The following GALNT13 variants were observed in gnomAD, a reference collection of about 807,000 sequenced individuals.
The protein encoded by GALNT13 is UDP-GalNAc:polypeptide N-acetylgalactosaminyltransferase 13.
Under a neutral mutation model 64.2 loss-of-function variants are expected in GALNT13, and 28 were observed. The ratio of observed to expected loss-of-function variants is 0.44; its 90% CI spans 0.32 to 0.60. The LOEUF (loss-of-function observed/expected upper bound fraction) is 0.60, where lower values mean the gene tolerates loss of function less well. GALNT13 is among the 20% of genes least tolerant of loss of function. GALNT13 has a pLI of 0.05. For missense variants in GALNT13, 577 were observed against 669.8 expected, an observed-to-expected ratio of 0.86 and a Z score of 1.53; for synonymous variants, 214 against 224.6, an observed-to-expected ratio of 0.95 and a Z score of 0.42.
At chr2:154,361,021 T>C (rs896619426) in intron 9 of GALNT13, among the ~76,000 whole-genome samples, 4 of 152,106 alleles carry the variant, frequency 2.6e-5, no homozygotes, top group East Asian at 1.9e-4. Flanking sequence ...AGATGGGTTA[T>C]GTAAAACAAT....
At chr2:153,617,833 T>C in the GALNT13 span, among the ~76,000 whole-genome samples, 1 of 152,028 alleles carries the variant, frequency 6.6e-6, no homozygotes, top group East Asian at 1.9e-4. Flanking sequence ...TCTTCCAATT[T>C]ATTGGCATAT....
the GALNT13 span, among the ~76,000 whole-genome samples, chr2:153,633,887 A>G: frequency 3.3e-5 from 5 of 152,228 alleles, no homozygotes; most frequent in Non-Finnish European, 7.3e-5. Flanking sequence ...ATTATAACCA[A>G]TAAAGTCTGT....
the GALNT13 span, among the ~76,000 whole-genome samples, chr2:153,820,496 C>A: frequency 1.8e-3 from 279 of 152,214 alleles, 3 homozygotes; most frequent in Middle Eastern, 6.8e-3. Flanking sequence ...AGATCCCATA[C>A]AAAGGGAACA....
chr2:153,208,973 CTTTTTTTTTT>C, the GALNT13 span, among the ~76,000 whole-genome samples: 2 of 74,682 alleles, frequency 2.7e-5, no homozygotes, highest in Non-Finnish European at 4.7e-5. Flanking sequence ...TGGTTTTGGT[CTTTTTTTTTT>C]TTTTTTTTTT....
At chr2:153,784,142 G>C in the GALNT13 span, among the ~76,000 whole-genome samples, 2 of 152,194 alleles carry the variant, frequency 1.3e-5, no homozygotes, top group African/African-American at 4.8e-5. Context: ...GGGCTCAGAA[G>C]AAGATAGGAA....
At chr2:154,295,425 G>A (rs192644250) in intron 8 of GALNT13, among the ~76,000 whole-genome samples, 4 of 151,146 alleles carry the variant, frequency 2.6e-5, no homozygotes, top group East Asian at 1.9e-4. Flanking sequence ...GTGCAGTGGC[G>A]CGACCTTGGC....
At chr2:154,096,011 C>T (rs369749445) in intron 3 of GALNT13, among the ~76,000 whole-genome samples, 36 of 151,902 alleles carry the variant, frequency 2.4e-4, no homozygotes, top group African/African-American at 6.3e-4. Context: ...AAGTTTCTTT[C>T]GACTCTGAGA....
the GALNT13 span, among the ~76,000 whole-genome samples, chr2:153,576,284 GC>G: frequency 2.0e-5 from 3 of 152,012 alleles, no homozygotes; most frequent in African/African-American, 4.8e-5. Context: ...TAGGTCGAGT[GC>G]CCCCCATCCA....
the GALNT13 span, among the ~76,000 whole-genome samples, chr2:153,268,725 T>G: frequency 6.6e-6 from 1 of 152,262 alleles, no homozygotes; most frequent in African/African-American, 2.4e-5. Context: ...CCATACATCC[T>G]CTGAAATCTA....
chr2:154,179,976 A>T (rs974739251), intron 4 of GALNT13, among the ~76,000 whole-genome samples: 1 of 152,128 alleles, frequency 6.6e-6, no homozygotes, highest in African/African-American at 2.4e-5. Context: ...AGTGCATTTT[A>T]TTATGTGCTT....
the GALNT13 span, among the ~76,000 whole-genome samples, chr2:153,861,032 ACT>A: frequency 1.8e-4 from 28 of 152,114 alleles, no homozygotes; most frequent in Non-Finnish European, 2.8e-4. Flanking sequence ...GATCACCTGG[ACT>A]GCTATTCCTA....
chr2:154,433,648 G>A (rs207462569), intron 11 of GALNT13, among the ~76,000 whole-genome samples: 1 of 150,820 alleles, frequency 6.6e-6, no homozygotes, highest in Non-Finnish European at 1.5e-5. Flanking sequence ...GAAGAAGGGG[G>A]AATTATTTGA....
chr2:154,206,182 T>C (rs1687440679), intron 4 of GALNT13, among the ~76,000 whole-genome samples: 1 of 151,580 alleles, frequency 6.6e-6, no homozygotes, highest in South Asian at 2.1e-4. Context: ...ATTTTTTTTA[T>C]AGTAGAGACG....
At chr2:154,176,664 A>ATGAT (rs1217618756) in intron 4 of GALNT13, among the ~76,000 whole-genome samples, 1 of 152,168 alleles carries the variant, frequency 6.6e-6, no homozygotes, top group Non-Finnish European at 1.5e-5. Context: ...AATGGTATGA[A>ATGAT]TGATGTTACA....
At chr2:153,726,107 T>G in the GALNT13 span, among the ~76,000 whole-genome samples, 14 of 152,298 alleles carry the variant, frequency 9.2e-5, no homozygotes, top group Non-Finnish European at 1.9e-4. Context: ...TAATGTATAT[T>G]TGGAATGGCT....
intron 4 of GALNT13, among the ~76,000 whole-genome samples, chr2:154,224,149 G>A (rs1688465085): frequency 6.6e-6 from 1 of 152,014 alleles, no homozygotes; most frequent in Admixed American, 6.6e-5. Flanking sequence ...TAATTATGTG[G>A]TGATAAAAAG....
At chr2:153,445,154 G>A in the GALNT13 span, among the ~76,000 whole-genome samples, 62 of 152,124 alleles carry the variant, frequency 4.1e-4, no homozygotes, top group Non-Finnish European at 7.1e-4. Flanking sequence ...TAATCAAGCT[G>A]AATATCTTTT....
intron 4 of GALNT13, among the ~76,000 whole-genome samples, chr2:154,238,735 T>C (rs889779264): frequency 6.6e-6 from 1 of 151,998 alleles, no homozygotes; most frequent in Non-Finnish European, 1.5e-5. Flanking sequence ...AACTAAAAGT[T>C]ATATATACTT....
the GALNT13 span, among the ~76,000 whole-genome samples, chr2:153,596,548 T>C: frequency 6.6e-6 from 1 of 152,150 alleles, no homozygotes; most frequent in Non-Finnish European, 1.5e-5. Context: ...AGTGGAAAGA[T>C]ATTTTCCTTA....
Sources: allele counts gnomAD v4.1 joint callset (sites outside exome capture counted in the v4.1 genomes callset), GRCh38; gene constraint gnomAD v4.1.1; transcripts MANE v1.5; gene names NCBI Gene and HGNC (gene_info 2026-07-23, HGNC 2026-07-21).